RAB30: variants seen among roughly 807,000 people sequenced by gnomAD.
RAB30 encodes RAB30, member RAS oncogene family.
A neutral mutation model predicts 25.1 loss-of-function variants in RAB30; 9 were observed. The ratio of observed to expected loss-of-function variants is 0.36; its 90% confidence interval spans 0.22 to 0.63. RAB30 has a LOEUF of 0.63. RAB30 is among the 20% of genes least tolerant of loss of function. The probability of loss-of-function intolerance (pLI) is 0.69; values close to 1 mark genes in which losing one functional copy is unlikely to be tolerated. For synonymous variants in RAB30, 77 were observed against 86.4 expected, an observed-to-expected ratio of 0.89 and a Z score of 0.60; for missense variants, 140 against 243.5, an observed-to-expected ratio of 0.58 and a Z score of 2.83.
At position 83,071,075 on chromosome 11, in the gene RAB30, G is replaced by T. The variant is rs1034022868; in HGVS notation, c.-9+616C>A. On this transcript the variant is annotated intron_variant, in intron 1 of 4. Coordinates refer to ENST00000527633, the MANE Select transcript of RAB30 (RefSeq NM_001286060.2). ...CTTCCAGCAGCCTGAAAGAACCTTC[G>T]CCAGACACGTGAAATGTTTCTGACT... Among the ~76,000 whole-genome samples, 5 of 152,318 alleles carry T rather than the reference G, an allele frequency of 3.3e-5. No homozygotes were observed. In the South Asian group the frequency reaches 1.0e-3, roughly 32 times the overall value.
rs924645157 is a variant in RAB30, at chr11:82,990,222, C to G, written c.178-2452G>C. On this transcript the variant is annotated intron_variant, in intron 3 of 4. Transcript: ENST00000527633. Reference sequence around the variant, plus strand: ...ATTGCCTCACCGTCATAATAATGTACTGCAATCATTGGTTTACTACTCTAC... The same window carrying G: ...ATTGCCTCACCGTCATAATAATGTAGTGCAATCATTGGTTTACTACTCTAC... 2.6e-5 allele frequency among the ~76,000 whole-genome samples: 4 copies of G among 152,230 alleles called. No homozygotes were observed. The East Asian group carries it at 7.7e-4, about 29-fold the overall frequency.
At chr11:83,048,772 C>T (rs1026462856) in intron 1 of RAB30, among the ~76,000 whole-genome samples, 3 of 152,206 alleles carry the variant, frequency 2.0e-5, no homozygotes, top group South Asian at 2.1e-4. Flanking sequence ...CTGAGCTCTG[C>T]GACCTCTAAG....
chr11:83,047,055 G>C (rs1858250232), intron 1 of RAB30, among the ~76,000 whole-genome samples: 1 of 152,152 alleles, frequency 6.6e-6, no homozygotes, highest in Admixed American at 6.5e-5. Flanking sequence ...GGCACAACAG[G>C]AACTCAACTA....
At chr11:83,052,013 T>C (rs2121518398) in intron 1 of RAB30, among the ~76,000 whole-genome samples, 1 of 152,250 alleles carries the variant, frequency 6.6e-6, no homozygotes, top group East Asian at 1.9e-4. Flanking sequence ...ATACTATAAA[T>C]GAGATTACAA....
Position 82,973,473 on chromosome 11 carries a change from AT to A in RAB30, c.*8691del, listed in dbSNP as rs1412032132. The A allele has an allele frequency of 6.6e-6, 1 of 152,194 alleles. No homozygotes were observed. The highest frequency in any genetic ancestry group is 1.5e-5 in the Non-Finnish European group (1 of 68,014). 9.4% of individuals were successfully genotyped at this position (152,194 alleles called of 1,614,324 possible). On this transcript the variant is annotated 3_prime_UTR_variant, in exon 5 of 5. Transcript: ENST00000527633. Reference sequence around the variant, plus strand: ...TGAATGAGTACTCTTATCCAGCATGATTTGTAGTTGTCCTTTAAACAATGCA... The same window carrying A: ...TGAATGAGTACTCTTATCCAGCATGATTGTAGTTGTCCTTTAAACAATGCA...
At chr11:83,047,394 G>A (rs547691427) in intron 1 of RAB30, among the ~76,000 whole-genome samples, 3 of 152,128 alleles carry the variant, frequency 2.0e-5, no homozygotes, top group Non-Finnish European at 1.5e-5. Flanking sequence ...CATCTAAACT[G>A]ATCATCTTAA....
intron 1 of RAB30, among the ~76,000 whole-genome samples, chr11:83,064,994 T>G (rs1299374308): frequency 1.3e-5 from 2 of 152,202 alleles, no homozygotes; most frequent in Non-Finnish European, 2.9e-5. Flanking sequence ...CCTTCCATTT[T>G]TGTTGTCTTT....
At chr11:83,043,238 T>C (rs1042212763) in intron 1 of RAB30, among the ~76,000 whole-genome samples, 14 of 152,182 alleles carry the variant, frequency 9.2e-5, no homozygotes, top group African/African-American at 2.7e-4. Flanking sequence ...AAGCCTGTTC[T>C]AGCCTGTTCT....
intron 1 of RAB30, among the ~76,000 whole-genome samples, chr11:83,014,994 G>C (rs1370454403): frequency 6.6e-6 from 1 of 152,174 alleles, no homozygotes; most frequent in Non-Finnish European, 1.5e-5. Context: ...AAGGGACACT[G>C]AGGCTGAGCA....
intron 1 of RAB30, among the ~76,000 whole-genome samples, chr11:82,997,792 T>C (rs1182506478): frequency 2.0e-5 from 3 of 152,186 alleles, no homozygotes; most frequent in Admixed American, 2.0e-4. Context: ...GAAGGAACTA[T>C]AAAGGGCCCT....
chr11:83,021,034 C>CTT (rs1463992261), intron 1 of RAB30, among the ~76,000 whole-genome samples: 5 of 152,172 alleles, frequency 3.3e-5, no homozygotes, highest in Non-Finnish European at 7.4e-5. Context: ...GGACAACCTG[C>CTT]CTGCGGAGAG....
At chr11:83,028,742 C>T (rs1565282307) in intron 1 of RAB30, among the ~76,000 whole-genome samples, 1 of 152,266 alleles carries the variant, frequency 6.6e-6, no homozygotes, top group East Asian at 1.9e-4. Context: ...TTAAAGTATA[C>T]AAGACCCAGA....
rs1187623873 is a variant in RAB30 at position 83,036,168 on chromosome 11, C to CT, written c.-9+35522dup. ...AAGTGGCAAAGCTCAGGTTCAAATTCTTTTTTTTTTTTTTTTGAGATGGAG... is the reference window on the plus strand; with the variant it reads ...AAGTGGCAAAGCTCAGGTTCAAATTCTTTTTTTTTTTTTTTTTGAGATGGAG... On this transcript the variant is annotated intron_variant, in intron 1 of 4. Coordinates refer to ENST00000527633, the MANE Select transcript of RAB30 (RefSeq NM_001286060.2). Among the ~76,000 whole-genome samples, 248 of 138,090 alleles carry CT rather than the reference C, an allele frequency of 1.8e-3. 1 individual carries two copies. Among genetic ancestry groups the CT allele is most frequent in the Admixed American group, 3.8e-3 (52 of 13,714 alleles). 90.6% of individuals were successfully genotyped at this position (138,090 alleles called of 152,430 possible). A position where few individuals can be genotyped will look rare whatever the true frequency, so the allele number is the denominator to read the frequency against.
chr11:83,021,299 T>A (rs889311060), intron 1 of RAB30, among the ~76,000 whole-genome samples: 2 of 152,170 alleles, frequency 1.3e-5, no homozygotes, highest in Non-Finnish European at 2.9e-5. Context: ...CTCACCAGGT[T>A]ATGAGTGAAG....
At position 83,070,088 on chromosome 11, in the gene RAB30, G is replaced by C. The variant is rs185544919; in HGVS notation, c.-9+1603C>G. Among the ~76,000 whole-genome samples, 89 of 137,864 alleles carry C rather than the reference G, an allele frequency of 6.5e-4. No homozygotes were observed. In the South Asian group the frequency reaches 6.8e-3, roughly 11 times the overall value. 90.4% of individuals were successfully genotyped at this position (137,864 alleles called of 152,430 possible). A position where few individuals can be genotyped will look rare whatever the true frequency, so the allele number is the denominator to read the frequency against. ...AGGAAAAATGTAAACTGCAAATGGA[G>C]AGATAGAGAAATAAACAGAATTTCA... is the stretch of plus-strand genomic sequence containing the variant. On this transcript the variant is annotated intron_variant, in intron 1 of 4. Transcript: ENST00000527633.
At chr11:82,994,592 G>C (rs902385942) in intron 2 of RAB30, among the ~76,000 whole-genome samples, 2 of 152,198 alleles carry the variant, frequency 1.3e-5, no homozygotes, top group African/African-American at 4.8e-5. Flanking sequence ...AGCATGGACA[G>C]CCACGGGAAT....
At chr11:83,014,881 G>A (rs910558820) in intron 1 of RAB30, among the ~76,000 whole-genome samples, 1 of 151,944 alleles carries the variant, frequency 6.6e-6, no homozygotes, top group African/African-American at 2.4e-5. Flanking sequence ...GAAGGGGCGA[G>A]TCAAGCACAT....
At chr11:83,001,017 C>T (rs1326467980) in intron 1 of RAB30, among the ~76,000 whole-genome samples, 1 of 135,266 alleles carries the variant, frequency 7.4e-6, no homozygotes, top group East Asian at 2.3e-4. Context: ...ACAGCACTCC[C>T]GCCTGGGCGA....
At chr11:83,070,483 G>C (rs1411559832) in intron 1 of RAB30, among the ~76,000 whole-genome samples, 1 of 152,212 alleles carries the variant, frequency 6.6e-6, no homozygotes, top group Non-Finnish European at 1.5e-5. Context: ...GCATTCTAGA[G>C]TTAAGCAAAT....
Sources: gnomAD v4.1 joint callset for allele counts (sites outside exome capture counted in the v4.1 genomes callset) on GRCh38, gnomAD v4.1.1 for gene constraint, MANE v1.5 for transcripts, NCBI Gene and HGNC (gene_info 2026-07-23, HGNC 2026-07-21) for gene names.